CTNNBL1: variants seen among roughly 807,000 people sequenced by gnomAD.
CTNNBL1 encodes beta-catenin-like protein 1.
A neutral mutation model predicts 72.7 loss-of-function variants in CTNNBL1; 31 were observed. The observed-to-expected ratio is 0.43, with a 90% CI of 0.32 to 0.58. The LOEUF is 0.58. CTNNBL1 is among the 20% of genes least tolerant of loss of function. The pLI, the probability that CTNNBL1 is intolerant of heterozygous loss-of-function variation, is 0.08. For synonymous variants in CTNNBL1, 240 were observed against 267.3 expected (o/e 0.90, Z 1.00); for missense variants, 534 against 725.1 (o/e 0.74, Z 3.03).
chr20:37,847,460 G>A (rs1436494116), intron 13 of CTNNBL1, among the ~76,000 whole-genome samples: 1 of 152,128 alleles, frequency 6.6e-6, no homozygotes, highest in Non-Finnish European at 1.5e-5. Context: ...CATCTAGTGA[G>A]CAGCAGTTCT....
At chr20:37,765,550 C>T (rs1055360158) in intron 6 of CTNNBL1, among the ~76,000 whole-genome samples, 4 of 152,164 alleles carry the variant, frequency 2.6e-5, no homozygotes, top group African/African-American at 7.2e-5. Context: ...CTCTGGTTAG[C>T]GGGCCTTCGC....
chr20:37,741,379 T>C (rs1053175049), intron 3 of CTNNBL1, among the ~76,000 whole-genome samples: 5 of 152,206 alleles, frequency 3.3e-5, no homozygotes, highest in African/African-American at 9.6e-5. Flanking sequence ...TGAGTACTTG[T>C]ATGTGCCAGC....
intron 3 of CTNNBL1, among the ~76,000 whole-genome samples, chr20:37,745,557 A>T (rs181897635): frequency 2.2e-4 from 33 of 152,334 alleles, no homozygotes; most frequent in Admixed American, 1.4e-3. Flanking sequence ...TGTGAGACAG[A>T]TAACCTTATT....
At chr20:37,733,558 T>A (rs988024672) in intron 2 of CTNNBL1, among the ~76,000 whole-genome samples, 3 of 152,170 alleles carry the variant, frequency 2.0e-5, no homozygotes, top group Non-Finnish European at 4.4e-5. Flanking sequence ...TCAAGATGCG[T>A]TGGGGCCTTT....
chr20:37,759,468 A>G, intron 5 of CTNNBL1, among the ~76,000 whole-genome samples: 1 of 152,154 alleles, frequency 6.6e-6, no homozygotes, highest in East Asian at 1.9e-4. Context: ...AATTCACTCA[A>G]AAGCCCCCTT....
chr20:37,765,876 C>A (rs1203356361), intron 6 of CTNNBL1, among the ~76,000 whole-genome samples: 1 of 152,116 alleles, frequency 6.6e-6, no homozygotes, highest in African/African-American at 2.4e-5. Context: ...TTGAATCTCC[C>A]CAGTCTTTCC....
At chr20:37,817,856 G>A (rs2072073654) in intron 11 of CTNNBL1, among the ~76,000 whole-genome samples, 1 of 152,212 alleles carries the variant, frequency 6.6e-6, no homozygotes, top group Admixed American at 6.5e-5. Flanking sequence ...ACAAATGTAA[G>A]TCCTCTTCCC....
chr20:37,850,730 CCCCTTG>C (rs1308362589), intron 13 of CTNNBL1, among the ~76,000 whole-genome samples: 1 of 152,184 alleles, frequency 6.6e-6, no homozygotes, highest in Non-Finnish European at 1.5e-5. Context: ...TCAAGTTTCT[CCCCTTG>C]CTTTGGAAGA....
chr20:37,802,833 G>T (rs2122735770), intron 10 of CTNNBL1, 34 bp from the exon 11 acceptor site: 2 of 1,541,622 alleles, frequency 1.3e-6, no homozygotes, highest in Non-Finnish European at 1.8e-6. Context: ...ATTTCCCCAT[G>T]AAATACCTTA....
chr20:37,850,955 T>C (rs79480880), intron 13 of CTNNBL1, among the ~76,000 whole-genome samples: 7,871 of 152,272 alleles, frequency 0.052, 277 homozygotes, highest in Middle Eastern at 0.19. Context: ...AGAAATGACA[T>C]CCGCATGCTT....
At chr20:37,694,577 C>T (rs367902327) in intron 1 of CTNNBL1, among the ~76,000 whole-genome samples, 1 of 152,150 alleles carries the variant, frequency 6.6e-6, no homozygotes, top group Non-Finnish European at 1.5e-5. Flanking sequence ...TCATTCCCCC[C>T]CTCTTTGAAC....
intron 1 of CTNNBL1, among the ~76,000 whole-genome samples, chr20:37,695,494 C>A (rs1376701080): frequency 6.6e-6 from 1 of 152,184 alleles, no homozygotes; most frequent in Admixed American, 6.5e-5. Context: ...ACACACCACA[C>A]TCAGCCAATA....
chr20:37,708,542 A>G (rs574707786), intron 1 of CTNNBL1, among the ~76,000 whole-genome samples: 1 of 150,756 alleles, frequency 6.6e-6, no homozygotes, highest in East Asian at 2.0e-4. Flanking sequence ...GCAAAGGGGG[A>G]AAAAAATGAG....
chr20:37,782,846 TTAAG>T (rs2073637543), intron 10 of CTNNBL1, among the ~76,000 whole-genome samples: 2 of 152,326 alleles, frequency 1.3e-5, no homozygotes, highest in African/African-American at 4.8e-5. Context: ...ATTCTCATAC[TTAAG>T]TTTGTCCAAA....
chr20:37,812,332 T>C (rs1378437531), intron 11 of CTNNBL1, among the ~76,000 whole-genome samples: 3 of 152,242 alleles, frequency 2.0e-5, no homozygotes, highest in Non-Finnish European at 4.4e-5. Flanking sequence ...TGTTTACATA[T>C]AGGATATAAA....
chr20:37,725,346 G>A (rs891976915), intron 1 of CTNNBL1, among the ~76,000 whole-genome samples: 2 of 151,680 alleles, frequency 1.3e-5, no homozygotes, highest in South Asian at 4.2e-4. Context: ...TCCCAGGCAG[G>A]AGTGCAATGG....
At chr20:37,849,293 C>T (rs957919488) in intron 13 of CTNNBL1, among the ~76,000 whole-genome samples, 14 of 152,190 alleles carry the variant, frequency 9.2e-5, no homozygotes, top group Non-Finnish European at 1.6e-4. Flanking sequence ...ACTTCTCCAC[C>T]CAAACACAGT....
chr20:37,801,646 T>C (rs2073824471), intron 10 of CTNNBL1, among the ~76,000 whole-genome samples: 1 of 152,232 alleles, frequency 6.6e-6, no homozygotes, highest in South Asian at 2.1e-4. Context: ...AAAAAGCATC[T>C]GACACAGCCC....
chr20:37,757,425 G>A (rs2073374713), intron 4 of CTNNBL1, 134 bp from the exon 5 acceptor site: 7 of 562,060 alleles, frequency 1.2e-5, no homozygotes, highest in Admixed American at 9.3e-5. Context: ...TTGTTGAAGA[G>A]ATGTTAATAA....
Sources: allele counts gnomAD v4.1 joint callset (sites outside exome capture counted in the v4.1 genomes callset), GRCh38; gene constraint gnomAD v4.1.1; transcripts MANE v1.5; gene names NCBI Gene and HGNC (gene_info 2026-07-23, HGNC 2026-07-21).